The following PID1 variants were observed in gnomAD, a reference collection of about 807,000 sequenced individuals.
PID1 encodes phosphotyrosine interaction domain containing 1.
Under a neutral mutation model 19.1 loss-of-function variants are expected in PID1, and 10 were observed. The observed-to-expected ratio is 0.52, with a 90% confidence interval of 0.32 to 0.89. PID1 has a LOEUF of 0.89. Among genes scored for constraint, PID1 ranks in the 40% least tolerant of loss-of-function variants. PID1 has a pLI of 0.03. For synonymous variants in PID1, 130 were observed against 116.0 expected, an observed-to-expected ratio of 1.12 and a Z score of -0.78; for missense variants, 248 against 285.3, an observed-to-expected ratio of 0.87 and a Z score of 0.94.
chr2:229,127,699 T>G (rs1176580078), intron 2 of PID1, among the ~76,000 whole-genome samples: 4 of 152,188 alleles, frequency 2.6e-5, no homozygotes, highest in East Asian at 1.9e-4. Context: ...ACTTCCCCAG[T>G]TGTGATGAAC....
chr2:229,071,756 A>G (rs1243833122), intron 2 of PID1, among the ~76,000 whole-genome samples: 1 of 152,220 alleles, frequency 6.6e-6, no homozygotes, highest in Non-Finnish European at 1.5e-5. Flanking sequence ...AGCATTTCCT[A>G]GTTTATCATC....
chr2:229,264,004 T>C (rs35519782), intron 1 of PID1, among the ~76,000 whole-genome samples: 33,548 of 152,062 alleles, frequency 0.22, 4,345 homozygotes, highest in Non-Finnish European at 0.29. Context: ...TGGAAATGAG[T>C]ATGGCTGGAA....
intron 2 of PID1, among the ~76,000 whole-genome samples, chr2:229,124,533 C>T (rs115262477): frequency 2.0e-4 from 30 of 152,316 alleles, no homozygotes; most frequent in Non-Finnish European, 3.7e-4. Context: ...ACCCTCAGTT[C>T]TCCCTAATCA....
At chr2:229,090,742 A>G (rs566275157) in intron 2 of PID1, among the ~76,000 whole-genome samples, 5 of 152,376 alleles carry the variant, frequency 3.3e-5, no homozygotes, top group Admixed American at 1.3e-4. Flanking sequence ...AGAAAAATAC[A>G]TGGATGAGTC....
intron 1 of PID1, among the ~76,000 whole-genome samples, chr2:229,229,905 C>T (rs888472769): frequency 6.6e-6 from 1 of 152,290 alleles, no homozygotes; most frequent in East Asian, 1.9e-4. Context: ...TTGAACTTGG[C>T]TTTAGAGCAG....
At chr2:229,187,365 A>G (rs1219706063) in intron 1 of PID1, among the ~76,000 whole-genome samples, 1 of 152,188 alleles carries the variant, frequency 6.6e-6, no homozygotes, top group Admixed American at 6.5e-5. Flanking sequence ...GCAATTTACA[A>G]AAGAAAGAGG....
intron 2 of PID1, among the ~76,000 whole-genome samples, chr2:229,042,886 T>A (rs1172782679): frequency 1.3e-5 from 2 of 152,114 alleles, no homozygotes; most frequent in East Asian, 3.8e-4. Context: ...CATATTAGAG[T>A]TATTACATTG....
intron 1 of PID1, among the ~76,000 whole-genome samples, chr2:229,267,770 C>T (rs907380871): frequency 1.3e-5 from 2 of 152,152 alleles, no homozygotes; most frequent in Non-Finnish European, 2.9e-5. Flanking sequence ...GAAACTCATA[C>T]AAATTTTAAA....
At chr2:229,261,369 C>T (rs980766257) in intron 1 of PID1, among the ~76,000 whole-genome samples, 1 of 152,174 alleles carries the variant, frequency 6.6e-6, no homozygotes, top group Admixed American at 6.5e-5. Flanking sequence ...CAGGACCAGG[C>T]CCCATAGCCT....
At chr2:229,123,550 T>C (rs535363010) in intron 2 of PID1, among the ~76,000 whole-genome samples, 15 of 152,322 alleles carry the variant, frequency 9.8e-5, no homozygotes, top group East Asian at 1.9e-4. Flanking sequence ...TAGGAGTGGA[T>C]TGCTGGGTGA....
At chr2:229,233,976 G>A (rs1235781217) in intron 1 of PID1, among the ~76,000 whole-genome samples, 1 of 152,158 alleles carries the variant, frequency 6.6e-6, no homozygotes, top group Non-Finnish European at 1.5e-5. Flanking sequence ...GACTTGGAAG[G>A]CTAAGACGTA....
chr2:229,118,318 T>A (rs939141350), intron 2 of PID1, among the ~76,000 whole-genome samples: 2 of 152,198 alleles, frequency 1.3e-5, no homozygotes, highest in African/African-American at 4.8e-5. Context: ...GCAAGGTTAT[T>A]TTAGAGAAGC....
intron 2 of PID1, among the ~76,000 whole-genome samples, chr2:229,064,943 G>C (rs1483514760): frequency 6.6e-6 from 1 of 152,120 alleles, no homozygotes; most frequent in Non-Finnish European, 1.5e-5. Context: ...TCCTTCTAGC[G>C]AACAGATGGT....
At chr2:229,152,445 G>C (rs989824042) in intron 2 of PID1, among the ~76,000 whole-genome samples, 1 of 152,106 alleles carries the variant, frequency 6.6e-6, no homozygotes, top group Non-Finnish European at 1.5e-5. Context: ...ACAATACCAT[G>C]TACACAGTAG....
At chr2:229,110,532 T>C (rs574944320) in intron 2 of PID1, among the ~76,000 whole-genome samples, 17 of 152,298 alleles carry the variant, frequency 1.1e-4, no homozygotes, top group Admixed American at 3.9e-4. Context: ...CGAGATTGCA[T>C]GCTGAAAATG....
chr2:229,228,373 A>G (rs1692128559), intron 1 of PID1, among the ~76,000 whole-genome samples: 1 of 152,226 alleles, frequency 6.6e-6, no homozygotes, highest in Non-Finnish European at 1.5e-5. Context: ...ACTGGTAATA[A>G]CAATTTATAT....
intron 2 of PID1, among the ~76,000 whole-genome samples, chr2:229,136,206 T>C (rs758366006): frequency 2.0e-4 from 30 of 152,054 alleles, no homozygotes; most frequent in Non-Finnish European, 3.8e-4. Context: ...GCTGAAACCA[T>C]CAGTCCAACA....
chr2:229,153,364 G>C (rs1388864467), intron 2 of PID1, among the ~76,000 whole-genome samples: 2 of 152,192 alleles, frequency 1.3e-5, no homozygotes, highest in Non-Finnish European at 2.9e-5. Context: ...CCTGACTCCA[G>C]GGTCATGATT....
chr2:229,129,410 T>TGA, intron 2 of PID1, among the ~76,000 whole-genome samples: 1 of 117,898 alleles, frequency 8.5e-6, no homozygotes, highest in Non-Finnish European at 1.8e-5. Context: ...CAAGACTCCA[T>TGA]CTCAAAAAAA....
Sources: allele counts gnomAD v4.1 joint callset (sites outside exome capture counted in the v4.1 genomes callset), GRCh38; gene constraint gnomAD v4.1.1; transcripts MANE v1.5; gene names NCBI Gene and HGNC (gene_info 2026-07-23, HGNC 2026-07-21).